CCDC85A: variants seen among roughly 807,000 people sequenced by gnomAD.
The protein encoded by CCDC85A is coiled-coil domain-containing protein 85A.
A neutral mutation model predicts 50.2 loss-of-function variants in CCDC85A; 38 were observed. The observed-to-expected ratio is 0.76, with a 90% CI of 0.58 to 0.99. The LOEUF (loss-of-function observed/expected upper bound fraction) is 0.99, where lower values mean the gene tolerates loss of function less well. Ranked by LOEUF, CCDC85A falls within the 50% of genes least tolerant of loss-of-function variation. The probability of loss-of-function intolerance (pLI) is 0.00; values close to 1 mark genes in which losing one functional copy is unlikely to be tolerated. For missense variants in CCDC85A, 820 were observed against 742.0 expected (o/e 1.11, Z -1.22); for synonymous variants, 366 against 301.4 (o/e 1.21, Z -2.22).
intron 3 of CCDC85A, among the ~76,000 whole-genome samples, chr2:56,359,248 T>C (rs760227711): frequency 3.9e-5 from 6 of 152,214 alleles, no homozygotes; most frequent in African/African-American, 7.2e-5. Flanking sequence ...CCAGTGGTAG[T>C]TGAGCAAGAG....
intron 1 of CCDC85A, among the ~76,000 whole-genome samples, chr2:56,185,193 T>G (rs77267018): frequency 0.046 from 7,004 of 152,254 alleles, 205 homozygotes; most frequent in South Asian, 0.11. Flanking sequence ...CTTTCATTTC[T>G]TAGGGAGGCT....
At chr2:56,261,301 TTC>T (rs551156473) in intron 2 of CCDC85A, among the ~76,000 whole-genome samples, 1 of 152,174 alleles carries the variant, frequency 6.6e-6, no homozygotes, top group Non-Finnish European at 1.5e-5. Flanking sequence ...AGCCCAGGTG[TTC>T]TCTCTCTTTT....
chr2:56,383,005 T>C (rs1198271225), intron 5 of CCDC85A, among the ~76,000 whole-genome samples: 3 of 152,008 alleles, frequency 2.0e-5, no homozygotes, highest in South Asian at 2.1e-4. Context: ...CTCTTGTGTA[T>C]AGCTTGAGCC....
At position 56,385,813 on chromosome 2, in the gene CCDC85A, A is replaced by G. The variant is rs978530889; in HGVS notation, c.*1458A>G. 12 of 151,848 alleles carry G rather than the reference A, an allele frequency of 7.9e-5. No individual in the cohort carries two copies. The highest frequency in any genetic ancestry group is 2.1e-4 in the South Asian group (1 of 4,830). 9.4% of individuals were successfully genotyped at this position (151,848 alleles called of 1,614,324 possible). On this transcript the variant is annotated 3_prime_UTR_variant, in exon 6 of 6. Coordinates refer to ENST00000407595, the MANE Select transcript of CCDC85A (RefSeq NM_001080433.2). ...GAAAATATTTATGAATTAATTTACT[A>G]TAGAATTATCTCTCTAATTATCATA...
intron 2 of CCDC85A, among the ~76,000 whole-genome samples, chr2:56,296,181 A>G (rs1292454554): frequency 6.6e-6 from 1 of 151,848 alleles, no homozygotes; most frequent in African/African-American, 2.4e-5. Context: ...AATATTTCCC[A>G]CTTATAGAAG....
Position 56,215,624 on chromosome 2 carries a change from T to C in CCDC85A, c.1240+22184T>C, listed in dbSNP as rs139586322. On this transcript the variant is annotated intron_variant, in intron 2 of 5. Coordinates refer to ENST00000407595, the MANE Select transcript of CCDC85A (RefSeq NM_001080433.2). Reference sequence around the variant, plus strand: ...CAAACTGGATGTGGATTTTGTTAAATGCTTTTTCTATGTCAGTTGATATCA... The same window carrying C: ...CAAACTGGATGTGGATTTTGTTAAACGCTTTTTCTATGTCAGTTGATATCA... Among the ~76,000 whole-genome samples, 262 of 149,722 alleles carry C rather than the reference T, an allele frequency of 1.7e-3. 2 individuals are homozygous for C. Among genetic ancestry groups the C allele is most frequent in the African/African-American group, 6.0e-3 (245 of 40,798 alleles).
intron 3 of CCDC85A, among the ~76,000 whole-genome samples, chr2:56,371,122 A>T (rs1250138081): frequency 1.3e-5 from 2 of 152,150 alleles, no homozygotes; most frequent in African/African-American, 2.4e-5. Flanking sequence ...TGTTGCTATG[A>T]TGAAATTATC....
intron 2 of CCDC85A, among the ~76,000 whole-genome samples, chr2:56,292,228 A>T (rs1671745944): frequency 6.6e-6 from 1 of 152,164 alleles, no homozygotes; most frequent in African/African-American, 2.4e-5. Flanking sequence ...GACTACAGGC[A>T]ACCACTACCA....
rs186853809 is a variant in CCDC85A at position 56,316,934 on chromosome 2, C to T, written c.1241-25945C>T. Among the ~76,000 whole-genome samples, 51 of 152,168 alleles carry T rather than the reference C, an allele frequency of 3.4e-4. No individual in the cohort carries two copies. In the East Asian group the frequency reaches 3.9e-3, roughly 12 times the overall value. ...AAAATGTCTTTTTCTTTTTGTATGT[C>T]TTATCGTACATGGCTAGAAAAACAT... On this transcript the variant is annotated intron_variant, in intron 2 of 5. Coordinates refer to ENST00000407595, the MANE Select transcript of CCDC85A (RefSeq NM_001080433.2).
intron 3 of CCDC85A, among the ~76,000 whole-genome samples, chr2:56,344,391 G>C (rs1439650697): frequency 6.6e-6 from 1 of 152,152 alleles, no homozygotes; most frequent in Non-Finnish European, 1.5e-5. Context: ...AGGTGGGATG[G>C]AGCAGGACAG....
intron 5 of CCDC85A, among the ~76,000 whole-genome samples, chr2:56,379,398 T>C (rs889027465): frequency 1.3e-5 from 2 of 152,210 alleles, no homozygotes; most frequent in Non-Finnish European, 2.9e-5. Flanking sequence ...ATATTGGTCA[T>C]CATTACAGTG....
chr2:56,247,744 T>C (rs931151836), intron 2 of CCDC85A, among the ~76,000 whole-genome samples: 2 of 152,180 alleles, frequency 1.3e-5, no homozygotes, highest in African/African-American at 2.4e-5. Flanking sequence ...ACACAGAAGA[T>C]AGATGATATA....
In CCDC85A at chr2:56,282,759, C is replaced by T. The variant is rs116298157; in HGVS notation, c.1241-60120C>T. On this transcript the variant is annotated intron_variant, in intron 2 of 5. Coordinates refer to ENST00000407595, the MANE Select transcript of CCDC85A (RefSeq NM_001080433.2). The stretch of plus-strand genomic sequence containing the variant: ...TCCTGACCTCATGTGATCCTCTCGC[C>T]TCGGCCTCCCAGAGTGCTGGGATTA... Among the ~76,000 whole-genome samples, 1,380 of 152,344 alleles carry T rather than the reference C, an allele frequency of 9.1e-3. 8 individuals are homozygous for T. The highest frequency in any genetic ancestry group is 0.014 in the Non-Finnish European group (955 of 68,028).
At chr2:56,292,721 A>G (rs1322668040) in intron 2 of CCDC85A, among the ~76,000 whole-genome samples, 2 of 152,194 alleles carry the variant, frequency 1.3e-5, no homozygotes, top group Non-Finnish European at 2.9e-5. Context: ...TATCATTTGT[A>G]CATACTTCTT....
chr2:56,292,859 G>T (rs1044843950), intron 2 of CCDC85A, among the ~76,000 whole-genome samples: 16 of 152,180 alleles, frequency 1.1e-4, no homozygotes, highest in African/African-American at 3.9e-4. Context: ...AGCTGAACAT[G>T]AGATAGTGTG....
intron 3 of CCDC85A, among the ~76,000 whole-genome samples, chr2:56,370,654 A>G (rs2104388502): frequency 6.6e-6 from 1 of 152,224 alleles, no homozygotes; most frequent in South Asian, 2.1e-4. Flanking sequence ...AAAGTTGGAA[A>G]TTATTGTGAG....
chr2:56,369,984 C>T (rs1675994427), intron 3 of CCDC85A, among the ~76,000 whole-genome samples: 1 of 152,060 alleles, frequency 6.6e-6, no homozygotes, highest in Non-Finnish European at 1.5e-5. Flanking sequence ...TGAGTACTTA[C>T]CACAGAGTAA....
chr2:56,273,058 G>T (rs1670766619), intron 2 of CCDC85A, among the ~76,000 whole-genome samples: 1 of 152,084 alleles, frequency 6.6e-6, no homozygotes, highest in Admixed American at 6.6e-5. Context: ...CAATAAAAGA[G>T]TTATTAAGTA....
chr2:56,349,211 A>G (rs1339147512), intron 3 of CCDC85A, among the ~76,000 whole-genome samples: 2 of 152,132 alleles, frequency 1.3e-5, no homozygotes, highest in Non-Finnish European at 2.9e-5. Flanking sequence ...TTGCTGCTGG[A>G]GTCATACTTG....
Sources: allele counts gnomAD v4.1 joint callset (sites outside exome capture counted in the v4.1 genomes callset), GRCh38; gene constraint gnomAD v4.1.1; transcripts MANE v1.5; gene names NCBI Gene and HGNC (gene_info 2026-07-23, HGNC 2026-07-21).